The following ARHGAP11A variants were observed in gnomAD, a reference collection of about 807,000 sequenced individuals.
ARHGAP11A encodes the protein rho GTPase-activating protein 11A.
A neutral mutation model predicts 60.5 loss-of-function variants in ARHGAP11A; 36 were observed. The ratio of observed to expected loss-of-function variants is 0.59; its 90% CI spans 0.46 to 0.79. ARHGAP11A has a LOEUF of 0.79. ARHGAP11A is among the 30% of genes least tolerant of loss of function. The pLI is 0.00. For synonymous variants in ARHGAP11A, 362 were observed against 415.5 expected (o/e 0.87, Z 1.57); for missense variants, 1,071 against 1,199.2 (o/e 0.89, Z 1.58).
chr15:32,630,212 G>T (rs2053557156), intron 8 of ARHGAP11A, among the ~76,000 whole-genome samples: 1 of 84,106 alleles, frequency 1.2e-5, no homozygotes. Context: ...TGAAAATGAG[G>T]GTATTTTTAA....
At chr15:32,626,326 A>T (rs1350775365) in intron 6 of ARHGAP11A, among the ~76,000 whole-genome samples, 3 of 152,184 alleles carry the variant, frequency 2.0e-5, no homozygotes, top group Non-Finnish European at 4.4e-5. Flanking sequence ...CTAAATAATG[A>T]AGGAAATATT....
rs767523460 is a variant in ARHGAP11A at position 32,638,799 on chromosome 15, A to G, written c.*954A>G. 20 of 152,664 alleles carry G rather than the reference A, an allele frequency of 1.3e-4. No homozygotes were observed. The highest frequency in any genetic ancestry group is 2.2e-4 in the Non-Finnish European group (15 of 68,046). The allele number at this position is 152,664 out of a possible 1,614,324, so 9.5% of individuals were successfully genotyped here. The stretch of plus-strand genomic sequence containing the variant: ...TTTAAGCCATACTATGTTTTTAAAG[A>G]TAATTTGCACAAACACGTTTGTGTC... On this transcript the variant is annotated 3_prime_UTR_variant, in exon 12 of 12. Coordinates refer to ENST00000361627, the MANE Select transcript of ARHGAP11A (RefSeq NM_014783.6).
chr15:32,637,356 G>A lies in ARHGAP11A; in HGVS notation c.2583G>A (p.Ala861=), dbSNP rs760896824. Reference sequence around the variant, plus strand: ...GACAACCTACAGGGCATAAGTTGGCGAGTCTTGGTGATACAGCTTCTCCTT... The same window carrying A: ...GACAACCTACAGGGCATAAGTTGGCAAGTCTTGGTGATACAGCTTCTCCTT... ...YSRQPTGHKL[A]SLGDTASPLV... is the part of the protein sequence containing the mutation. The change falls in exon 12 of 12, where the codon GCG becomes GCA. Residue 861 remains alanine, a synonymous_variant. Transcript: ENST00000361627. The A allele has an allele frequency of 5.5e-5, 89 of 1,614,044 alleles. No individual in the cohort carries two copies. Among genetic ancestry groups the A allele is most frequent in the Non-Finnish European group, 6.7e-5 (79 of 1,180,014 alleles).
chr15:32,636,486 A>G lies in ARHGAP11A; in HGVS notation c.1713A>G (p.Leu571=), dbSNP rs2053717035. 6.2e-7 allele frequency: 1 copy of G among 1,613,918 alleles called. No homozygotes were observed. Residue 571 remains leucine (L), a synonymous_variant, in exon 12 of 12, where the codon TTA becomes TTG. Transcript: ENST00000361627. ...CATGTGAACTCACCCCTTCCAATTTAAACAATAAGCATAATAGCAACATAA... is the reference window on the plus strand; with the variant it reads ...CATGTGAACTCACCCCTTCCAATTTGAACAATAAGCATAATAGCAACATAA... The part of the protein sequence containing the change: ...ATSCELTPSN[L]NNKHNSNITS...
rs565009551 is a variant in ARHGAP11A, at chr15:32,633,218, A to T, written c.1235+110A>T. 2.9e-3 allele frequency: 3,636 copies of T among 1,270,926 alleles called. 7 individuals carry two copies. The highest frequency in any genetic ancestry group is 3.4e-3 in the Non-Finnish European group (3,130 of 921,224). The allele number at this position is 1,270,926 out of a possible 1,614,324, so 78.7% of individuals were successfully genotyped here. On this transcript the variant is annotated intron_variant, in intron 9 of 11. Coordinates refer to ENST00000361627, the MANE Select transcript of ARHGAP11A (RefSeq NM_014783.6). ...CATCATATTTGAGTCATAATTTTTT[A>T]AAATCCCTTCTGCCTTTATAGTCTT...
At chr15:32,635,619 C>G (rs1273375964) in intron 10 of ARHGAP11A, among the ~76,000 whole-genome samples, 158 bp from the exon 11 acceptor site, 1 of 152,140 alleles carries the variant, frequency 6.6e-6, no homozygotes, top group African/African-American at 2.4e-5. Context: ...TTTTCATTAG[C>G]AGGCAAGAAT....
At position 32,632,987 on chromosome 15, in the gene ARHGAP11A, G is replaced by T. The variant is rs570927659; in HGVS notation, c.1114G>T (p.Asp372Tyr). Residue 372 changes from aspartate to tyrosine, a missense_variant, in exon 9 of 12, where the codon GAT (aspartate) becomes TAT (tyrosine). Around this residue, in one of 4 missense-constraint regions of ARHGAP11A, gnomAD observed 776 missense variants for 760.2 expected, o/e 1.02. Transcript: ENST00000361627. ...TGTGGTTATTTTTGTAGTTCACATC[G>T]ATACAAGCTCAGAAGGGTCATCTCA... Reference protein sequence around the residue: ...SSSTPVSVHIDTSSEGSSQSS... With the variant: ...SSSTPVSVHIYTSSEGSSQSS... 1 of 1,611,906 alleles carries T rather than the reference G, an allele frequency of 6.2e-7. No individual in the cohort carries two copies. Among genetic ancestry groups the T allele is most frequent in the East Asian group, 2.2e-5 (1 of 44,846 alleles).
Position 32,636,337 on chromosome 15 carries a change from A to G in ARHGAP11A, c.1564A>G (p.Thr522Ala). The G allele has an allele frequency of 6.2e-7, 1 of 1,614,050 alleles. No individual in the cohort carries two copies. Among genetic ancestry groups the G allele is most frequent in the Non-Finnish European group, 8.5e-7 (1 of 1,179,952 alleles). Reference sequence around the variant, plus strand: ...TGGAACAAATTACCGGATGTCTTGGACAGGACCTAATAATTCAAGTTTTCA... The same window carrying G: ...TGGAACAAATTACCGGATGTCTTGGGCAGGACCTAATAATTCAAGTTTTCA... Reference protein sequence around the residue: ...LVGTNYRMSWTGPNNSSFQEV... With the variant: ...LVGTNYRMSWAGPNNSSFQEV... The change falls in exon 12 of 12, where the codon ACA becomes GCA. Residue 522 changes from threonine to alanine, a missense_variant. Physicochemically the swap from Thr to Ala is moderately conservative, Grantham distance 58. Coordinates refer to ENST00000361627, the MANE Select transcript of ARHGAP11A (RefSeq NM_014783.6).
rs2053436835 is a variant in ARHGAP11A at position 32,625,508 on chromosome 15, T to C, written c.737T>C (p.Leu246Pro). Residue 246 changes from leucine (L) to proline (P), a missense_variant, in exon 6 of 12, where the codon CTG becomes CCG. By Grantham distance (98) the Leu-to-Pro change is moderately conservative (BLOSUM62 -3). Coordinates refer to ENST00000361627, the MANE Select transcript of ARHGAP11A (RefSeq NM_014783.6). ...TTAGGGCGTGTACCAGATTTTATCC[T>C]GGAAAAGATACCAGCCATGTTGGGT... is the stretch of plus-strand genomic sequence containing the variant. ...SDIGRVPDFILEKIPAMLGID... is the reference protein window; with the variant it reads ...SDIGRVPDFIPEKIPAMLGID... 1 of 1,613,820 alleles carries C rather than the reference T, an allele frequency of 6.2e-7. No individual in the cohort carries two copies. Among genetic ancestry groups the C allele is most frequent in the Non-Finnish European group, 8.5e-7 (1 of 1,179,848 alleles).
chr15:32,619,957 A>C, intron 1 of ARHGAP11A, 151 bp from the exon 2 acceptor site: 3 of 1,418,496 alleles, frequency 2.1e-6, no homozygotes, highest in Non-Finnish European at 2.9e-6. Flanking sequence ...TATCAAATGC[A>C]CTTGAAATGA....
intron 2 of ARHGAP11A, among the ~76,000 whole-genome samples, chr15:32,621,754 G>A (rs946980221): frequency 5.3e-5 from 8 of 152,320 alleles, no homozygotes; most frequent in African/African-American, 9.6e-5. Context: ...GCCAGGAGGC[G>A]GAGCTTGCAG....
In ARHGAP11A at chr15:32,625,015, C is replaced by T. The variant is rs149347375; in HGVS notation, c.552-65C>T. ...TAAGGTCTTCAAAATGTACTACATACGTTATTTTAACTCTTCTGTATTTTC... is the reference window on the plus strand; with the variant it reads ...TAAGGTCTTCAAAATGTACTACATATGTTATTTTAACTCTTCTGTATTTTC... On this transcript the variant is annotated intron_variant, in intron 4 of 11. Coordinates refer to ENST00000361627, the MANE Select transcript of ARHGAP11A (RefSeq NM_014783.6). The T allele has an allele frequency of 1.0e-3, 1,606 of 1,545,878 alleles. 12 individuals are homozygous for T. The African/African-American group carries it at 0.019, about 19-fold the overall frequency.
chr15:32,629,532 A>G (rs1227613274), intron 7 of ARHGAP11A, 63 bp from the exon 8 acceptor site: 1 of 1,382,780 alleles, frequency 7.2e-7, no homozygotes, highest in Non-Finnish European at 9.7e-7. Context: ...AATTATGTAA[A>G]GCTTTTATAT....
intron 8 of ARHGAP11A, 35 bp from the exon 9 acceptor site, chr15:32,632,944 T>G (rs370016337): frequency 3.8e-6 from 6 of 1,558,726 alleles, no homozygotes; most frequent in Non-Finnish European, 5.2e-6. Flanking sequence ...GGAAAATAGA[T>G]ATGTGTGGTA....
At position 32,624,297 on chromosome 15, in the gene ARHGAP11A, T is replaced by A. The variant is rs1374448337; in HGVS notation, c.422T>A (p.Leu141His). 6.2e-7 allele frequency: 1 copy of A among 1,613,832 alleles called. No individual in the cohort carries two copies. The highest frequency in any genetic ancestry group is 1.7e-5 in the Admixed American group (1 of 59,992). Residue 141 changes from leucine to histidine, a missense_variant, in exon 4 of 12, where the codon CTT becomes CAT. Transcript: ENST00000361627. ...CTCCCAGCTGATTTGCATGAAGCACTTTTGAAAGCTCAACAGTTAGGCACA... is the reference window on the plus strand; with the variant it reads ...CTCCCAGCTGATTTGCATGAAGCACATTTGAAAGCTCAACAGTTAGGCACA... ...PILPADLHEA[L>H]LKAQQLGTEE...
At position 32,616,324 on chromosome 15, in the gene ARHGAP11A, C is replaced by T; in HGVS notation, c.113C>T (p.Ala38Val). The change falls in exon 1 of 12, where the codon GCA (alanine) becomes GTA (valine). Residue 38 changes from alanine (A) to valine (V), a missense_variant. By Grantham distance (64) the Ala-to-Val change is moderately conservative (BLOSUM62 0). Transcript: ENST00000361627. ...GQCDRRRHET[A>V]ATEIGGKIFG... ...TGCGATCGCAGGAGACATGAAACAG[C>T]AGCCACGGAAATAGGGGTAAGTTCT... 2 of 1,613,862 alleles carry T rather than the reference C, an allele frequency of 1.2e-6. No individual in the cohort carries two copies. The highest frequency in any genetic ancestry group is 1.6e-4 in the Middle Eastern group (1 of 6,062).
chr15:32,619,780 T>C (rs1005003454), intron 1 of ARHGAP11A, among the ~76,000 whole-genome samples: 3 of 152,184 alleles, frequency 2.0e-5, no homozygotes, highest in African/African-American at 7.2e-5. Flanking sequence ...GTTAGTGTTT[T>C]GGACCAAATT....
In ARHGAP11A at chr15:32,636,894, G is replaced by T; in HGVS notation, c.2121G>T (p.Met707Ile). The change falls in exon 12 of 12, where the codon ATG becomes ATT. Residue 707 changes from methionine to isoleucine, a missense_variant. Around this residue, in one of 4 missense-constraint regions of ARHGAP11A, gnomAD observed 776 missense variants for 760.2 expected, o/e 1.02. Transcript: ENST00000361627. Reference sequence around the variant, plus strand: ...ATGAAAAAGACATTCATTCAAATATGCCAAAAGATTATTTAAGCAAGCAAG... The same window carrying T: ...ATGAAAAAGACATTCATTCAAATATTCCAAAAGATTATTTAAGCAAGCAAG... ...MEHEKDIHSN[M>I]PKDYLSKQEF... is the part of the protein sequence containing the mutation. The T allele has an allele frequency of 6.2e-7, 1 of 1,613,240 alleles. No individual in the cohort carries two copies. Among genetic ancestry groups the T allele is most frequent in the South Asian group, 1.1e-5 (1 of 90,802 alleles).
rs2053118518 is a variant in ARHGAP11A, at chr15:32,615,691, T to TG, written c.-519dup. ...TACCAGCCCGGGCGGGCACCGGGAC[T>TG]GGAAGAGTTGCCTGAGCAGCCGGCT... On this transcript the variant is annotated 5_prime_UTR_variant, in exon 1 of 12. Transcript: ENST00000361627. 6.6e-6 allele frequency: 1 copy of TG among 152,532 alleles called. No homozygotes were observed. The highest frequency in any genetic ancestry group is 2.0e-4 in the South Asian group (1 of 4,882). 9.4% of individuals were successfully genotyped at this position (152,532 alleles called of 1,614,324 possible).
Sources: allele counts gnomAD v4.1 joint callset (sites outside exome capture counted in the v4.1 genomes callset), GRCh38; gene constraint gnomAD v4.1.1; regional missense constraint gnomAD v4.1.1; transcripts MANE v1.5; gene names NCBI Gene and HGNC (gene_info 2026-07-23, HGNC 2026-07-21).